MDGA2: variants seen among roughly 807,000 people sequenced by gnomAD.
The protein encoded by MDGA2 is MAM domain-containing glycosylphosphatidylinositol anchor protein 2.
A neutral mutation model predicts 117.8 loss-of-function variants in MDGA2; 40 were observed. That is an observed-to-expected ratio of 0.34 (90% CI 0.26 to 0.44). MDGA2 has a LOEUF of 0.44. MDGA2 is among the 20% of genes least tolerant of loss of function. MDGA2 has a pLI of 1.00. For synonymous variants in MDGA2, 452 were observed against 439.0 expected, an observed-to-expected ratio of 1.03 and a Z score of -0.37; for missense variants, 1,123 against 1,250.6, an observed-to-expected ratio of 0.90 and a Z score of 1.54.
intron 10 of MDGA2, among the ~76,000 whole-genome samples, chr14:46,906,344 A>C (rs1243661273): frequency 6.6e-6 from 1 of 152,064 alleles, no homozygotes; most frequent in African/African-American, 2.4e-5. Context: ...CTAAATTCAT[A>C]GTCCTAAAAT....
intron 3 of MDGA2, among the ~76,000 whole-genome samples, chr14:47,196,850 T>C (rs1443307975): frequency 5.3e-5 from 8 of 152,172 alleles, no homozygotes; most frequent in Non-Finnish European, 1.0e-4. Flanking sequence ...CCCCAGTCTA[T>C]TGTTCCCTTC....
chr14:46,920,202 T>C, intron 9 of MDGA2, 42 bp from the exon 10 acceptor site: 1 of 1,583,352 alleles, frequency 6.3e-7, no homozygotes, highest in Non-Finnish European at 8.6e-7. Context: ...GATGACATAT[T>C]GTAGTGTAAG....
intron 1 of MDGA2, among the ~76,000 whole-genome samples, chr14:47,317,523 T>C (rs1889844346): frequency 6.6e-6 from 1 of 152,134 alleles, no homozygotes; most frequent in South Asian, 2.1e-4. Flanking sequence ...TACCTTTTTT[T>C]TGGAAGAGTT....
At chr14:46,932,842 G>T (rs1884631543) in intron 9 of MDGA2, among the ~76,000 whole-genome samples, 1 of 150,528 alleles carries the variant, frequency 6.6e-6, no homozygotes, top group Admixed American at 6.6e-5. Flanking sequence ...GTCTTTATTT[G>T]CAAATGACAC....
At chr14:47,548,909 C>CA (rs1293804377) in intron 1 of MDGA2, among the ~76,000 whole-genome samples, 2 of 152,102 alleles carry the variant, frequency 1.3e-5, no homozygotes, top group Non-Finnish European at 2.9e-5. Context: ...CAGACAGCAA[C>CA]AATGTTCACA....
At chr14:47,054,814 A>G (rs1456404882) in intron 7 of MDGA2, among the ~76,000 whole-genome samples, 2 of 151,756 alleles carry the variant, frequency 1.3e-5, no homozygotes, top group African/African-American at 4.8e-5. Context: ...AGAAAGCTGA[A>G]ACTGGATCCC....
At chr14:46,918,970 G>T (rs1884016011) in intron 10 of MDGA2, among the ~76,000 whole-genome samples, 1 of 151,974 alleles carries the variant, frequency 6.6e-6, no homozygotes, top group Non-Finnish European at 1.5e-5. Flanking sequence ...CACCGTGTTA[G>T]CCAGGATGGT....
chr14:47,361,186 A>ACTCTCTCTCTCTCT (rs374880544), intron 1 of MDGA2, among the ~76,000 whole-genome samples: 1 of 142,270 alleles, frequency 7.0e-6, no homozygotes, highest in Non-Finnish European at 1.5e-5. Context: ...GTCATGTTGT[A>ACTCTCTCTCTCTCT]CTCTCTCTCT....
At chr14:47,286,004 T>C (rs1229628216) in intron 2 of MDGA2, among the ~76,000 whole-genome samples, 1 of 151,956 alleles carries the variant, frequency 6.6e-6, no homozygotes, top group Non-Finnish European at 1.5e-5. Flanking sequence ...GTGAAGCTTT[T>C]ATGTTTAGGG....
At chr14:47,234,111 G>A (rs1039697967) in intron 2 of MDGA2, among the ~76,000 whole-genome samples, 3 of 151,668 alleles carry the variant, frequency 2.0e-5, no homozygotes, top group Non-Finnish European at 2.9e-5. Flanking sequence ...TAATAAGACC[G>A]ACAATCACAT....
At chr14:46,920,251 T>C (rs985274518) in intron 9 of MDGA2, 91 bp from the exon 10 acceptor site, 1 of 1,174,926 alleles carries the variant, frequency 8.5e-7, no homozygotes, top group African/African-American at 1.6e-5. Flanking sequence ...ATTTCTACTA[T>C]ATTTTTCATT....
intron 1 of MDGA2, among the ~76,000 whole-genome samples, chr14:47,646,709 GC>G (rs1458617331): frequency 7.9e-5 from 12 of 152,176 alleles, no homozygotes; most frequent in African/African-American, 2.9e-4. Context: ...ATCATTTAAT[GC>G]CCTACAACCC....
chr14:47,020,239 T>G (rs796410724), intron 8 of MDGA2, among the ~76,000 whole-genome samples: 2 of 152,240 alleles, frequency 1.3e-5, no homozygotes, highest in African/African-American at 4.8e-5. Context: ...AAATAAAAAA[T>G]ATGAAATTAC....
intron 5 of MDGA2, among the ~76,000 whole-genome samples, chr14:47,103,379 G>A (rs538261471): frequency 6.6e-6 from 1 of 152,182 alleles, no homozygotes; most frequent in African/African-American, 2.4e-5. Flanking sequence ...AAATAAAGAT[G>A]AGATAATATA....
chr14:46,983,898 A>G (rs1886772844), intron 8 of MDGA2, among the ~76,000 whole-genome samples: 1 of 151,956 alleles, frequency 6.6e-6, no homozygotes, highest in African/African-American at 2.4e-5. Context: ...TATTTATTTA[A>G]GTGCATAGAA....
At chr14:47,409,834 G>A (rs991678792) in intron 1 of MDGA2, among the ~76,000 whole-genome samples, 9 of 151,980 alleles carry the variant, frequency 5.9e-5, no homozygotes, top group African/African-American at 1.5e-4. Context: ...TACGTCCCCC[G>A]CTTTGTGGGT....
chr14:47,605,198 C>T (rs1896720565), intron 1 of MDGA2, among the ~76,000 whole-genome samples: 1 of 151,946 alleles, frequency 6.6e-6, no homozygotes, highest in African/African-American at 2.4e-5. Flanking sequence ...CATTTTTTTT[C>T]AATGAGTAAC....
chr14:47,003,432 G>C (rs1198076271), intron 8 of MDGA2, among the ~76,000 whole-genome samples: 1 of 151,780 alleles, frequency 6.6e-6, no homozygotes, highest in African/African-American at 2.4e-5. Context: ...TTCAACAGCA[G>C]AGCATGTTAA....
intron 1 of MDGA2, among the ~76,000 whole-genome samples, chr14:47,310,226 T>G (rs564584904): frequency 1.4e-4 from 22 of 152,174 alleles, no homozygotes; most frequent in South Asian, 2.1e-4. Context: ...TTGCATGTTT[T>G]AGAGATGAAA....
Sources: allele counts gnomAD v4.1 joint callset (sites outside exome capture counted in the v4.1 genomes callset), GRCh38; gene constraint gnomAD v4.1.1; transcripts MANE v1.5; gene names NCBI Gene and HGNC (gene_info 2026-07-23, HGNC 2026-07-21).